Variants in ARHGAP44 observed in about 807,000 individuals in gnomAD.
ARHGAP44 encodes rho GTPase-activating protein 44.
In ARHGAP44, 43 loss-of-function variants were observed where a neutral mutation model predicts 106.8. That is an observed-to-expected ratio of 0.40 (90% CI 0.32 to 0.52). The LOEUF is 0.52. Ranked by LOEUF, ARHGAP44 falls within the 20% of genes least tolerant of loss-of-function variation. The pLI is 0.48. For synonymous variants in ARHGAP44, 439 were observed against 410.3 expected (o/e 1.07, Z -0.85); for missense variants, 866 against 1,050.5 (o/e 0.82, Z 2.43).
chr17:12,925,206 G>C (rs1453039240), intron 6 of ARHGAP44, among the ~76,000 whole-genome samples: 1 of 152,182 alleles, frequency 6.6e-6, no homozygotes, highest in African/African-American at 2.4e-5. Context: ...GTGCCAAAGA[G>C]GGACTCCATT....
rs1453525301 is a variant in ARHGAP44 at position 12,789,673 on chromosome 17, G to GCGC, written c.-164_-162dup. 1.4e-5 allele frequency: 6 copies of GCGC among 429,816 alleles called. No homozygotes were observed. The highest frequency in any genetic ancestry group is 1.1e-4 in the South Asian group (1 of 9,084). The allele number at this position is 429,816 out of a possible 1,614,324, so 26.6% of individuals were successfully genotyped here. A position where few individuals can be genotyped will look rare whatever the true frequency, so the allele number is the denominator to read the frequency against. ...GGCGCGGCGGGAGGAGTAGGCGGCG[G>GCGC]CGCCCTCGGGAGGGAGCTGCGCGCG... is the stretch of plus-strand genomic sequence containing the variant. On this transcript the variant is annotated 5_prime_UTR_variant, in exon 1 of 21. Coordinates refer to ENST00000379672, the MANE Select transcript of ARHGAP44 (RefSeq NM_014859.6).
intron 15 of ARHGAP44, among the ~76,000 whole-genome samples, chr17:12,957,707 T>C (rs1217634748): frequency 6.6e-6 from 1 of 152,178 alleles, no homozygotes; most frequent in East Asian, 1.9e-4. Flanking sequence ...TGACTCTCAA[T>C]GGTGACAGCT....
chr17:12,955,084 C>T (rs374453902), intron 13 of ARHGAP44, among the ~76,000 whole-genome samples: 1 of 152,310 alleles, frequency 6.6e-6, no homozygotes, highest in East Asian at 1.9e-4. Context: ...CTATTCTAGG[C>T]ATTTCATATA....
chr17:12,953,750 G>A (rs1884151284), intron 13 of ARHGAP44, among the ~76,000 whole-genome samples: 1 of 152,186 alleles, frequency 6.6e-6, no homozygotes. Context: ...AACACAAAAG[G>A]ACAAATGCAG....
intron 1 of ARHGAP44, among the ~76,000 whole-genome samples, chr17:12,815,945 A>T (rs2034585103): frequency 6.6e-6 from 1 of 152,072 alleles, no homozygotes; most frequent in South Asian, 2.1e-4. Flanking sequence ...GGTATTGTGG[A>T]GGTTGGTGGA....
Position 12,941,093 on chromosome 17 carries a change from A to G in ARHGAP44, c.620A>G (p.Lys207Arg), listed in dbSNP as rs142659375. The stretch of plus-strand genomic sequence containing the variant: ...GCTGATATGTACAGTTTTGTGGCCA[A>G]AGAAATTGACTATGCAAACTACTTT... ...LSADMYSFVA[K>R]EIDYANYFQT... The change falls in exon 8 of 21, where the codon AAA becomes AGA. Residue 207 changes from lysine to arginine, a missense_variant. By Grantham distance (26) the Lys-to-Arg change is conservative (BLOSUM62 2). Transcript: ENST00000379672. 21 of 1,614,012 alleles carry G rather than the reference A, an allele frequency of 1.3e-5. No individual in the cohort carries two copies. The highest frequency in any genetic ancestry group is 1.8e-5 in the Non-Finnish European group (21 of 1,179,892).
intron 3 of ARHGAP44, 138 bp from the exon 4 acceptor site, chr17:12,908,759 T>C (rs1249830439): frequency 1.5e-6 from 1 of 651,406 alleles, no homozygotes; most frequent in Non-Finnish European, 2.6e-6. Flanking sequence ...TATGAATTTC[T>C]ATGTTTAAAC....
At chr17:12,841,363 C>T (rs769194324) in intron 1 of ARHGAP44, among the ~76,000 whole-genome samples, 1 of 151,982 alleles carries the variant, frequency 6.6e-6, no homozygotes, top group African/African-American at 2.4e-5. Context: ...TTTTGGGAGG[C>T]CAAGGCAGGC....
In ARHGAP44 at chr17:12,990,320, G is replaced by GATC. The variant is rs1172066295; in HGVS notation, c.*150_*152dup. On this transcript the variant is annotated 3_prime_UTR_variant, in exon 21 of 21. Coordinates refer to ENST00000379672, the MANE Select transcript of ARHGAP44 (RefSeq NM_014859.6). ...AGGTTGGAATTTGGCAGAAAATTGT[G>GATC]ATCTCCAGTCCGTGTGGTGATGCTG... 1 of 1,054,410 alleles carries GATC rather than the reference G, an allele frequency of 9.5e-7. No homozygotes were observed. Among genetic ancestry groups the GATC allele is most frequent in the African/African-American group, 1.6e-5 (1 of 62,834 alleles). The allele number at this position is 1,054,410 out of a possible 1,614,324, so 65.3% of individuals were successfully genotyped here. A position where few individuals can be genotyped will look rare whatever the true frequency, so the allele number is the denominator to read the frequency against.
chr17:12,899,502 T>G (rs1045657018), intron 3 of ARHGAP44, among the ~76,000 whole-genome samples: 1 of 152,060 alleles, frequency 6.6e-6, no homozygotes. Flanking sequence ...CCTCAAATAC[T>G]GAAATGTATA....
intron 16 of ARHGAP44, among the ~76,000 whole-genome samples, chr17:12,965,503 A>G (rs2039368796): frequency 6.6e-6 from 1 of 152,204 alleles, no homozygotes; most frequent in South Asian, 2.1e-4. Flanking sequence ...GAAAAGGCAC[A>G]CTTGATTGAG....
At chr17:12,843,404 T>C (rs1461103176) in intron 1 of ARHGAP44, among the ~76,000 whole-genome samples, 1 of 142,468 alleles carries the variant, frequency 7.0e-6, no homozygotes, top group Non-Finnish European at 1.5e-5. Flanking sequence ...GTTCATTCAT[T>C]GTAAGCATTT....
chr17:12,957,908 G>A (rs1008634746), intron 15 of ARHGAP44, among the ~76,000 whole-genome samples: 7 of 152,306 alleles, frequency 4.6e-5, no homozygotes, highest in African/African-American at 1.7e-4. Context: ...ATCAATTAAT[G>A]CTGTTCTAAC....
At position 12,949,690 on chromosome 17, in the gene ARHGAP44, A is replaced by T. The variant is rs757405142; in HGVS notation, c.1015A>T (p.Met339Leu). 1.9e-6 allele frequency: 3 copies of T among 1,613,730 alleles called. No homozygotes were observed. Among genetic ancestry groups the T allele is most frequent in the South Asian group, 2.2e-5 (2 of 91,052 alleles). The change falls in exon 12 of 21, where the codon ATG (methionine) becomes TTG (leucine). Residue 339 changes from methionine to leucine, a missense_variant. By Grantham distance (15) the Met-to-Leu change is conservative. Around this residue, in one of 2 missense-constraint regions of ARHGAP44, gnomAD observed 448 missense variants for 646.9 expected, o/e 0.69. Transcript: ENST00000379672. This position sits in a 1 kb window ranked among gnomAD's most constrained non-coding sequence, Gnocchi z 4.1. ...SYLRELPEPL[M>L]TFELYDEWIQ... ...CCTCCGAGAGTTGCCAGAACCTCTT[A>T]TGACCTTTGAACTCTATGATGAGTG...
At chr17:12,928,179 A>G (rs2038300481) in intron 6 of ARHGAP44, among the ~76,000 whole-genome samples, 1 of 152,218 alleles carries the variant, frequency 6.6e-6, no homozygotes, top group African/African-American at 2.4e-5. Flanking sequence ...AGGAATCTAA[A>G]TGTTGCCATA....
chr17:12,860,219 A>C (rs1037565331), intron 1 of ARHGAP44, among the ~76,000 whole-genome samples: 2 of 152,234 alleles, frequency 1.3e-5, no homozygotes, highest in African/African-American at 4.8e-5. Context: ...TAATTAATAC[A>C]TTGACATTAT....
At chr17:12,940,512 AT>A (rs1406530762) in intron 7 of ARHGAP44, among the ~76,000 whole-genome samples, 3 of 152,122 alleles carry the variant, frequency 2.0e-5, no homozygotes, top group Non-Finnish European at 4.4e-5. Flanking sequence ...ATGAGTCCAG[AT>A]TTTGCCAAGT....
chr17:12,844,066 C>G (rs2035496434), intron 1 of ARHGAP44, among the ~76,000 whole-genome samples: 1 of 152,110 alleles, frequency 6.6e-6, no homozygotes, highest in Admixed American at 6.6e-5. Context: ...CTTACGTGGA[C>G]TCTTTGGAGT....
chr17:12,959,109 C>T (rs2039198587), intron 16 of ARHGAP44: 1 of 589,946 alleles, frequency 1.7e-6, no homozygotes, highest in South Asian at 1.9e-5. Flanking sequence ...GCCTTCTTAG[C>T]TGACACAGTT....
Sources: allele counts gnomAD v4.1 joint callset (sites outside exome capture counted in the v4.1 genomes callset), GRCh38; gene constraint gnomAD v4.1.1; regional missense constraint gnomAD v4.1.1; non-coding constraint Gnocchi (gnomAD v3.1); transcripts MANE v1.5; gene names NCBI Gene and HGNC (gene_info 2026-07-23, HGNC 2026-07-21).